KIF27: variants seen among roughly 807,000 people sequenced by gnomAD.
KIF27 encodes the protein kinesin-like protein KIF27.
A neutral mutation model predicts 141.8 loss-of-function variants in KIF27; 84 were observed. That is an observed-to-expected ratio of 0.59 (90% CI 0.50 to 0.71). KIF27 has a LOEUF of 0.71. Ranked by LOEUF, KIF27 falls within the 30% of genes least tolerant of loss-of-function variation. KIF27 has a pLI of 0.00. For missense variants in KIF27, 1,306 were observed against 1,628.4 expected, an observed-to-expected ratio of 0.80 and a Z score of 3.41; for synonymous variants, 471 against 569.5, an observed-to-expected ratio of 0.83 and a Z score of 2.46.
rs748394033 is a variant in KIF27, at chr9:83,889,196, G to A, written c.1867C>T (p.Arg623Ter). ...ATGTGACCCAACAGCATCTGACTTC[G>A]TGTTCGAAATCCAGCAAATATTCGA... ...LDRIFAGFRT[R>*]SQMLLGHIEE... Residue 623 changes from arginine to a stop codon, truncating the protein, a stop_gained, in exon 7 of 18, where the codon CGA (arginine) becomes TGA (stop). Coordinates refer to ENST00000297814, the MANE Select transcript of KIF27 (RefSeq NM_017576.4). LOFTEE classifies it high-confidence loss of function. The A allele has an allele frequency of 6.2e-6, 10 of 1,613,676 alleles. No individual in the cohort carries two copies. The highest frequency in any genetic ancestry group is 3.3e-5 in the Admixed American group (2 of 60,006).
chr9:83,850,638 C>T (rs1423065231), intron 15 of KIF27, among the ~76,000 whole-genome samples: 1 of 151,258 alleles, frequency 6.6e-6, no homozygotes, highest in African/African-American at 2.4e-5. Flanking sequence ...ATAAAATTAG[C>T]TGGGTGTGGT....
intron 12 of KIF27, among the ~76,000 whole-genome samples, chr9:83,868,890 C>T (rs1227539498): frequency 6.6e-6 from 1 of 152,010 alleles, no homozygotes; most frequent in East Asian, 1.9e-4. Flanking sequence ...ACACTGGAGC[C>T]TAAAATATTA....
chr9:83,914,619 T>G (rs1250219276), intron 2 of KIF27, among the ~76,000 whole-genome samples: 2 of 152,196 alleles, frequency 1.3e-5, no homozygotes, highest in Non-Finnish European at 2.9e-5. Flanking sequence ...GAATACTAAC[T>G]AAAACTTTAG....
intron 9 of KIF27, among the ~76,000 whole-genome samples, chr9:83,886,086 G>A (rs74367486): frequency 0.013 from 1,812 of 141,334 alleles, no homozygotes; most frequent in African/African-American, 0.052. Flanking sequence ...AATGAGTTTG[G>A]CCATGCTGCT....
At chr9:83,858,114 T>C (rs1390021414) in intron 14 of KIF27, among the ~76,000 whole-genome samples, 2 of 152,048 alleles carry the variant, frequency 1.3e-5, no homozygotes, top group African/African-American at 2.4e-5. Context: ...ATTTAATACC[T>C]TGGGAGGACA....
intron 15 of KIF27, among the ~76,000 whole-genome samples, chr9:83,851,197 T>C (rs1308047003): frequency 1.3e-5 from 2 of 152,182 alleles, no homozygotes; most frequent in African/African-American, 4.8e-5. Context: ...TTCTTAAATG[T>C]AATCTATGCA....
Position 83,903,719 on chromosome 9 carries a change from T to C in KIF27, c.799A>G (p.Ile267Val), listed in dbSNP as rs1954185486. The C allele has an allele frequency of 1.2e-6, 2 of 1,614,184 alleles. No individual in the cohort carries two copies. Among genetic ancestry groups the C allele is most frequent in the East Asian group, 4.5e-5 (2 of 44,882 alleles). ...CCTAAAGCCAGCAATCCACTATTGA[T>C]TTGAATGGATTCTTTGAACCGTTCA... ...TGERFKESIQ[I>V]NSGLLALGNV... Residue 267 changes from isoleucine to valine, a missense_variant, in exon 4 of 18, where the codon ATC becomes GTC. By Grantham distance (29) the Ile-to-Val change is conservative (BLOSUM62 3). Transcript: ENST00000297814.
At chr9:83,864,281 G>T (rs1465132258) in intron 13 of KIF27, among the ~76,000 whole-genome samples, 2 of 152,142 alleles carry the variant, frequency 1.3e-5, no homozygotes, top group African/African-American at 4.8e-5. Context: ...GTTAATTTTA[G>T]ATCTTTCCTG....
rs566727478 is a variant in KIF27 at position 83,837,648 on chromosome 9, T to C, written c.3722-163A>G. 7.5e-5 allele frequency: 41 copies of C among 548,076 alleles called. No individual in the cohort carries two copies. In the East Asian group the frequency reaches 9.6e-4, roughly 13 times the overall value. 34.0% of individuals were successfully genotyped at this position (548,076 alleles called of 1,614,324 possible). ...TTTTAGATGAACAGATGTGTGAATA[T>C]GAATATTTTTATTTCACTTACAGGC... is the stretch of plus-strand genomic sequence containing the variant. On this transcript the variant is annotated intron_variant, in intron 17 of 17. Coordinates refer to ENST00000297814, the MANE Select transcript of KIF27 (RefSeq NM_017576.4).
At position 83,878,080 on chromosome 9, in the gene KIF27, C is replaced by T. The variant is rs561313172; in HGVS notation, c.2643+2217G>A. On this transcript the variant is annotated intron_variant, in intron 11 of 17. Coordinates refer to ENST00000297814, the MANE Select transcript of KIF27 (RefSeq NM_017576.4). ...TCGGGAGGCTGAGGCAGGAGAATGG[C>T]GTGAACTCAGGAGGCGGAGCTTGCA... is the stretch of plus-strand genomic sequence containing the variant. Among the ~76,000 whole-genome samples the T allele has an allele frequency of 3.6e-3, 509 of 142,716 alleles. 2 individuals are homozygous for T. The highest frequency in any genetic ancestry group is 0.018 in the South Asian group (79 of 4,342). The allele number at this position is 142,716 out of a possible 152,430, so 93.6% of individuals were successfully genotyped here.
intron 6 of KIF27, among the ~76,000 whole-genome samples, chr9:83,890,589 C>T (rs990801535): frequency 6.6e-6 from 1 of 152,108 alleles, no homozygotes; most frequent in African/African-American, 2.4e-5. Context: ...TTCATACCAC[C>T]CAAGGCTGCC....
In KIF27 at chr9:83,915,547, C is replaced by T; in HGVS notation, c.45G>A (p.Leu15=). ...PVKVAVRIRP[L]LCKEALHNHQ... Reference sequence around the variant, plus strand: ...GATTATGAAGAGCTTCTTTGCAAAGCAGAGGTCTAATTCTTACAGCAACTT... The same window carrying T: ...GATTATGAAGAGCTTCTTTGCAAAGTAGAGGTCTAATTCTTACAGCAACTT... Residue 15 remains leucine, a synonymous_variant, in exon 2 of 18, where the codon CTG becomes CTA. Transcript: ENST00000297814. The T allele has an allele frequency of 6.2e-7, 1 of 1,613,270 alleles. No homozygotes were observed. Among genetic ancestry groups the T allele is most frequent in the Non-Finnish European group, 8.5e-7 (1 of 1,179,706 alleles).
At chr9:83,920,735 CAAAG>C (rs891876776) in intron 1 of KIF27, among the ~76,000 whole-genome samples, 18 of 152,146 alleles carry the variant, frequency 1.2e-4, no homozygotes, top group Admixed American at 1.3e-4. Context: ...AAAGGTGTTT[CAAAG>C]AAAGAATCTG....
At chr9:83,880,011 A>C (rs1951544700) in intron 11 of KIF27, 1 of 506,226 alleles carries the variant, frequency 2.0e-6, no homozygotes, top group South Asian at 4.0e-5. Flanking sequence ...AGTTGGCTTT[A>C]TAAATGTATG....
Position 83,850,356 on chromosome 9 carries a change from T to C in KIF27, c.3358-59A>G, listed in dbSNP as rs1948404187. ...TCTTAGATAAGCTAATATAATAATC[T>C]ACTTTTCTTAGGCTACTTCAAGATG... On this transcript the variant is annotated intron_variant, in intron 15 of 17. Transcript: ENST00000297814. 1.3e-5 allele frequency: 14 copies of C among 1,049,000 alleles called. No homozygotes were observed. The East Asian group carries it at 3.3e-4, about 25-fold the overall frequency. The allele number at this position is 1,049,000 out of a possible 1,614,324, so 65.0% of individuals were successfully genotyped here.
intron 2 of KIF27, among the ~76,000 whole-genome samples, chr9:83,912,226 T>G (rs1373929934): frequency 6.6e-6 from 1 of 152,078 alleles, no homozygotes; most frequent in Admixed American, 6.6e-5. Flanking sequence ...CAACAAAGAG[T>G]TGACTTACAA....
At chr9:83,881,931 C>A (rs2780164) in intron 10 of KIF27, among the ~76,000 whole-genome samples, 2 of 152,168 alleles carry the variant, frequency 1.3e-5, no homozygotes, top group African/African-American at 2.4e-5. Context: ...ACTATTAATG[C>A]AGCATGTAAC....
At chr9:83,845,610 T>C (rs34424332) in intron 16 of KIF27, among the ~76,000 whole-genome samples, 1 of 152,190 alleles carries the variant, frequency 6.6e-6, no homozygotes, top group East Asian at 1.9e-4. Context: ...TGGACAGCTG[T>C]GGCACTACAG....
chr9:83,893,763 T>G (rs191748523), intron 5 of KIF27, among the ~76,000 whole-genome samples: 1 of 151,954 alleles, frequency 6.6e-6, no homozygotes, highest in African/African-American at 2.4e-5. Flanking sequence ...CAGAAATTAG[T>G]GAAATAGTGA....
Sources: gnomAD v4.1 joint callset for allele counts (sites outside exome capture counted in the v4.1 genomes callset) on GRCh38, gnomAD v4.1.1 for gene constraint, MANE v1.5 for transcripts, NCBI Gene and HGNC (gene_info 2026-07-23, HGNC 2026-07-21) for gene names.